SERPINI1: variants seen among roughly 807,000 people sequenced by gnomAD.
The protein encoded by SERPINI1 is neuroserpin.
SERPINI1 carries 19 observed loss-of-function variants against 41.1 expected under a neutral mutation model. The observed-to-expected ratio is 0.46, with a 90% CI of 0.32 to 0.68. The LOEUF (loss-of-function observed/expected upper bound fraction) is 0.68. SERPINI1 is among the 30% of genes least tolerant of loss of function. The pLI is 0.03. For synonymous variants in SERPINI1, 138 were observed against 156.6 expected (o/e 0.88, Z 0.89); for missense variants, 460 against 479.2 (o/e 0.96, Z 0.37).
At chr3:167,753,368 T>G (rs972938507) in intron 1 of SERPINI1, among the ~76,000 whole-genome samples, 20 of 152,300 alleles carry the variant, frequency 1.3e-4, no homozygotes, top group African/African-American at 4.3e-4. Context: ...AAATATTTGT[T>G]GAGTAAATGA....
intron 1 of SERPINI1, among the ~76,000 whole-genome samples, chr3:167,745,525 G>A (rs1725836992): frequency 6.6e-6 from 1 of 151,990 alleles, no homozygotes; most frequent in South Asian, 2.1e-4. Context: ...AAGGATGTCA[G>A]CTCTCACACT....
At chr3:167,763,633 T>A (rs1024133874) in intron 1 of SERPINI1, among the ~76,000 whole-genome samples, 2 of 152,204 alleles carry the variant, frequency 1.3e-5, no homozygotes, top group Non-Finnish European at 2.9e-5. Context: ...ATATCCCAGT[T>A]GGTATTCTAC....
chr3:167,804,486 T>C (rs1711555742), intron 5 of SERPINI1, among the ~76,000 whole-genome samples: 1 of 152,232 alleles, frequency 6.6e-6, no homozygotes, highest in Admixed American at 6.5e-5. Context: ...CATTTTGTTC[T>C]AACTAGTTGT....
At chr3:167,780,116 A>C (rs912821813) in intron 1 of SERPINI1, among the ~76,000 whole-genome samples, 1 of 152,110 alleles carries the variant, frequency 6.6e-6, no homozygotes, top group African/African-American at 2.4e-5. Flanking sequence ...ATACCATGGC[A>C]TATTATTCCC....
chr3:167,758,691 A>G (rs1213199648), intron 1 of SERPINI1, among the ~76,000 whole-genome samples: 1 of 152,206 alleles, frequency 6.6e-6, no homozygotes, highest in African/African-American at 2.4e-5. Context: ...GGGATCCTAG[A>G]TAAAATCCAG....
rs780407275 is a variant in SERPINI1, at chr3:167,789,351, T to G, written c.223T>G (p.Ser75Ala). The change falls in exon 2 of 9, where the codon TCA becomes GCA. Residue 75 changes from serine to alanine, a missense_variant. Physicochemically the swap from Ser to Ala is moderately conservative, Grantham distance 99. Transcript: ENST00000446050. Reference sequence around the variant, plus strand: ...ATCTACCCAGAAAGAAATCCGCCACTCAATGGGATATGACAGCCTAAAAAA... The same window carrying G: ...ATCTACCCAGAAAGAAATCCGCCACGCAATGGGATATGACAGCCTAAAAAA... ...QGSTQKEIRHSMGYDSLKNGE... is the reference protein window; with the variant it reads ...QGSTQKEIRHAMGYDSLKNGE... The G allele has an allele frequency of 3.7e-6, 6 of 1,614,164 alleles. No homozygotes were observed. The highest frequency in any genetic ancestry group is 5.1e-6 in the Non-Finnish European group (6 of 1,180,012).
chr3:167,756,194 G>A (rs1174222933), intron 1 of SERPINI1, among the ~76,000 whole-genome samples: 1 of 152,110 alleles, frequency 6.6e-6, no homozygotes, highest in Non-Finnish European at 1.5e-5. Flanking sequence ...TAATTCAGCT[G>A]CTTTCAGTCA....
At chr3:167,810,513 T>C (rs899602416) in intron 6 of SERPINI1, among the ~76,000 whole-genome samples, 7 of 152,190 alleles carry the variant, frequency 4.6e-5, no homozygotes, top group African/African-American at 1.7e-4. Flanking sequence ...AAAGACATTA[T>C]GTCTGAAAAA....
chr3:167,754,111 AC>A (rs1253619080), intron 1 of SERPINI1, among the ~76,000 whole-genome samples: 1 of 152,180 alleles, frequency 6.6e-6, no homozygotes, highest in African/African-American at 2.4e-5. Context: ...TGCCACATTT[AC>A]CTTTGTTTTA....
intron 1 of SERPINI1, among the ~76,000 whole-genome samples, chr3:167,769,525 G>A (rs1038255942): frequency 1.3e-5 from 2 of 152,062 alleles, no homozygotes; most frequent in African/African-American, 2.4e-5. Flanking sequence ...ATGCATTCTG[G>A]ATAAGAGAAA....
intron 1 of SERPINI1, among the ~76,000 whole-genome samples, chr3:167,752,776 T>G (rs542053801): frequency 3.3e-5 from 5 of 152,206 alleles, no homozygotes; most frequent in African/African-American, 1.2e-4. Context: ...TTATTTCAGT[T>G]CTTTAATCAC....
chr3:167,804,201 C>T (rs960194426), intron 5 of SERPINI1, among the ~76,000 whole-genome samples: 2 of 152,158 alleles, frequency 1.3e-5, no homozygotes, highest in East Asian at 1.9e-4. Context: ...AAATTTAGCA[C>T]TCAGTTTAGT....
Position 167,771,818 on chromosome 3 carries a change from AGTGTGTGTGTGTGCGC to A in SERPINI1, c.-18-17275_-18-17260del, listed in dbSNP as rs1008714176. ...TTTAAAACTAGATGGACTGTGTGTG[AGTGTGTGTGTGTGCGC>A]GTGTGTGTGTGTGCGCGCACGCGCA... is the stretch of plus-strand genomic sequence containing the variant. On this transcript the variant is annotated intron_variant, in intron 1 of 8. Transcript: ENST00000446050. Among the ~76,000 whole-genome samples, 12 of 147,822 alleles carry A rather than the reference AGTGTGTGTGTGTGCGC, an allele frequency of 8.1e-5. 1 individual carries two copies. In the East Asian group the frequency reaches 9.7e-4, roughly 12 times the overall value.
At chr3:167,783,863 C>T (rs1041512646) in intron 1 of SERPINI1, among the ~76,000 whole-genome samples, 4 of 152,180 alleles carry the variant, frequency 2.6e-5, no homozygotes, top group Non-Finnish European at 4.4e-5. Flanking sequence ...TGGATAGACA[C>T]GTGTGTTTCC....
intron 1 of SERPINI1, among the ~76,000 whole-genome samples, chr3:167,767,127 CATT>C (rs1292250967): frequency 6.6e-6 from 1 of 152,226 alleles, no homozygotes; most frequent in African/African-American, 2.4e-5. Context: ...GGCTGACTCT[CATT>C]ATGGGCTAAA....
intron 1 of SERPINI1, among the ~76,000 whole-genome samples, chr3:167,776,048 T>A (rs546812176): frequency 1.9e-4 from 29 of 152,320 alleles, no homozygotes; most frequent in African/African-American, 6.5e-4. Flanking sequence ...TTCCACAGTC[T>A]TGTAAACAGG....
At chr3:167,785,569 C>G (rs531994320) in intron 1 of SERPINI1, among the ~76,000 whole-genome samples, 195 of 152,288 alleles carry the variant, frequency 1.3e-3, no homozygotes, top group African/African-American at 4.5e-3. Context: ...TGTAAGCCTG[C>G]ATTTCCATTA....
At chr3:167,784,005 C>T (rs1009766707) in intron 1 of SERPINI1, among the ~76,000 whole-genome samples, 3 of 152,212 alleles carry the variant, frequency 2.0e-5, no homozygotes, top group Non-Finnish European at 4.4e-5. Context: ...CTGGCAGAGG[C>T]CCTCTCCCAC....
chr3:167,775,505 A>G (rs1186221429), intron 1 of SERPINI1, among the ~76,000 whole-genome samples: 1 of 152,052 alleles, frequency 6.6e-6, no homozygotes, highest in African/African-American at 2.4e-5. Flanking sequence ...GAGTCAGGCT[A>G]CAACTCTGTT....
Sources: gnomAD v4.1 joint callset for allele counts (sites outside exome capture counted in the v4.1 genomes callset) on GRCh38, gnomAD v4.1.1 for gene constraint, MANE v1.5 for transcripts, NCBI Gene and HGNC (gene_info 2026-07-23, HGNC 2026-07-21) for gene names.